Variants in CNBD1 observed in about 807,000 individuals in gnomAD.
CNBD1 encodes the protein cyclic nucleotide binding domain containing 1, also known as cyclic nucleotide-binding domain-containing protein 1.
A neutral mutation model predicts 54.4 loss-of-function variants in CNBD1; 71 were observed. The ratio of observed to expected loss-of-function variants is 1.30; its 90% CI spans 1.08 to 1.59. CNBD1 has a LOEUF of 1.59. Ranked by LOEUF, CNBD1 falls within the 40% of genes most tolerant of loss-of-function variation. The pLI, the probability that CNBD1 is intolerant of heterozygous loss-of-function variation, is 0.00. For missense variants in CNBD1, 659 were observed against 518.0 expected (o/e 1.27, Z -2.64); for synonymous variants, 182 against 170.7 (o/e 1.07, Z -0.51).
At chr8:87,063,890 T>C (rs1810593533) in intron 4 of CNBD1, among the ~76,000 whole-genome samples, 1 of 151,988 alleles carries the variant, frequency 6.6e-6, no homozygotes, top group African/African-American at 2.4e-5. Context: ...TAAAAATTTT[T>C]ATTTTTTATT....
intron 5 of CNBD1, among the ~76,000 whole-genome samples, chr8:87,224,000 G>C (rs1284254995): frequency 1.3e-5 from 2 of 152,074 alleles, no homozygotes; most frequent in African/African-American, 2.4e-5. Flanking sequence ...CAGTGACGGT[G>C]AGCATTTTTT....
intron 3 of CNBD1, among the ~76,000 whole-genome samples, chr8:86,924,125 A>G (rs931869958): frequency 9.2e-5 from 14 of 152,186 alleles, no homozygotes; most frequent in African/African-American, 3.4e-4. Context: ...TATTGTCCCA[A>G]TTAGATGCCC....
chr8:87,259,986 A>T (rs11774565), intron 6 of CNBD1, among the ~76,000 whole-genome samples: 43,419 of 152,070 alleles, frequency 0.29, 6,720 homozygotes, highest in African/African-American at 0.4. Context: ...CAGTCCGTGG[A>T]CAAGAAGAGA....
At chr8:87,329,790 A>C (rs1462205156) in intron 8 of CNBD1, among the ~76,000 whole-genome samples, 1 of 151,858 alleles carries the variant, frequency 6.6e-6, no homozygotes, top group African/African-American at 2.4e-5. Flanking sequence ...AGTTCCAGGA[A>C]ATTTTTCTCT....
chr8:87,153,498 G>A lies in CNBD1; in HGVS notation c.432-52495G>A, dbSNP rs1286292667. On this transcript the variant is annotated intron_variant, in intron 4 of 10. Coordinates refer to ENST00000518476, the MANE Select transcript of CNBD1 (RefSeq NM_173538.3). ...TGTAAGGCATGCAGAGTAACAAATC[G>A]TGGACCAAGGCAATGCAGATCAGAA... is the stretch of plus-strand genomic sequence containing the variant. Among the ~76,000 whole-genome samples the A allele has an allele frequency of 5.3e-5, 8 of 152,242 alleles. No individual in the cohort carries two copies. In the East Asian group the frequency reaches 7.7e-4, roughly 15 times the overall value.
chr8:87,378,276 T>C (rs907958198), intron 10 of CNBD1, among the ~76,000 whole-genome samples: 1 of 145,556 alleles, frequency 6.9e-6, no homozygotes, highest in Admixed American at 6.9e-5. Flanking sequence ...CTAGGGTTTT[T>C]ATGGTTTTAG....
At chr8:87,010,528 A>G (rs1809195744) in intron 4 of CNBD1, among the ~76,000 whole-genome samples, 1 of 152,102 alleles carries the variant, frequency 6.6e-6, no homozygotes. Flanking sequence ...CGGGTGGATC[A>G]CCTGAGGTCA....
chr8:87,360,654 GAGAA>G (rs1810507412), intron 10 of CNBD1, among the ~76,000 whole-genome samples: 2 of 151,794 alleles, frequency 1.3e-5, no homozygotes, highest in South Asian at 4.1e-4. Context: ...CTTTTGTAAT[GAGAA>G]AGAATTTCTT....
intron 10 of CNBD1, among the ~76,000 whole-genome samples, chr8:87,365,772 A>G (rs928229492): frequency 6.6e-6 from 1 of 152,020 alleles, no homozygotes; most frequent in African/African-American, 2.4e-5. Flanking sequence ...GCATGCCTCT[A>G]TTAAAATATA....
chr8:87,035,875 G>T (rs561688623), intron 4 of CNBD1, among the ~76,000 whole-genome samples: 19 of 152,250 alleles, frequency 1.2e-4, no homozygotes, highest in Non-Finnish European at 2.4e-4. Context: ...CCAAGTGGCT[G>T]CTTCAGCTCC....
At chr8:87,022,860 ACTTG>A (rs1226078573) in intron 4 of CNBD1, among the ~76,000 whole-genome samples, 1 of 152,184 alleles carries the variant, frequency 6.6e-6, no homozygotes, top group Non-Finnish European at 1.5e-5. Context: ...GACAACTTGA[ACTTG>A]CTTGCTTGAA....
chr8:87,253,651 T>C (rs1807953526), intron 6 of CNBD1, among the ~76,000 whole-genome samples: 1 of 152,112 alleles, frequency 6.6e-6, no homozygotes, highest in African/African-American at 2.4e-5. Context: ...AGGAATTGTT[T>C]TAAGAAGGTT....
intron 4 of CNBD1, among the ~76,000 whole-genome samples, chr8:86,977,282 T>G (rs1229706663): frequency 6.6e-6 from 1 of 152,108 alleles, no homozygotes; most frequent in Non-Finnish European, 1.5e-5. Flanking sequence ...TCTTTCAATA[T>G]AATTTTTGTG....
At chr8:87,314,082 T>A (rs1361789140) in intron 8 of CNBD1, among the ~76,000 whole-genome samples, 1 of 151,946 alleles carries the variant, frequency 6.6e-6, no homozygotes, top group East Asian at 1.9e-4. Flanking sequence ...TTGATTACAT[T>A]TTCAAGAAGT....
At chr8:87,374,267 T>C (rs1810879614) in intron 10 of CNBD1, among the ~76,000 whole-genome samples, 1 of 151,842 alleles carries the variant, frequency 6.6e-6, no homozygotes, top group Non-Finnish European at 1.5e-5. Flanking sequence ...TTTTCTTGGG[T>C]ATTTCTGATA....
At chr8:87,046,042 T>C (rs1483081451) in intron 4 of CNBD1, among the ~76,000 whole-genome samples, 1 of 71,640 alleles carries the variant, frequency 1.4e-5, no homozygotes, top group Non-Finnish European at 2.6e-5. Flanking sequence ...CTTCCTCTCA[T>C]AAAAAAAAAA....
intron 6 of CNBD1, among the ~76,000 whole-genome samples, chr8:87,276,953 C>A (rs1482634955): frequency 6.7e-6 from 1 of 149,824 alleles, no homozygotes; most frequent in Non-Finnish European, 1.5e-5. Context: ...GAAAAGGGAA[C>A]CAGAGAAAAT....
chr8:87,337,312 G>T (rs889307626), intron 8 of CNBD1, among the ~76,000 whole-genome samples: 1 of 152,154 alleles, frequency 6.6e-6, no homozygotes, highest in African/African-American at 2.4e-5. Context: ...GAAAGATTAA[G>T]TCTGCTGGTT....
chr8:87,230,575 G>A (rs1302603115), intron 5 of CNBD1, among the ~76,000 whole-genome samples: 1 of 152,058 alleles, frequency 6.6e-6, no homozygotes, highest in Non-Finnish European at 1.5e-5. Context: ...CTTTTGACAA[G>A]TTATTTTATC....
Sources: gnomAD v4.1 joint callset for allele counts (sites outside exome capture counted in the v4.1 genomes callset) on GRCh38, gnomAD v4.1.1 for gene constraint, MANE v1.5 for transcripts, NCBI Gene and HGNC (gene_info 2026-07-23, HGNC 2026-07-21) for gene names.